Variants in NDUFAF7 observed in about 807,000 individuals in gnomAD.
The protein encoded by NDUFAF7 is NADH:ubiquinone oxidoreductase complex assembly factor 7.
A neutral mutation model predicts 47.2 loss-of-function variants in NDUFAF7; 48 were observed. That is an observed-to-expected ratio of 1.02 (90% confidence interval 0.81 to 1.29). The LOEUF is 1.29. Ranked by LOEUF, NDUFAF7 falls within the 50% of genes most tolerant of loss-of-function variation. NDUFAF7 has a pLI of 0.00. For synonymous variants in NDUFAF7, 217 were observed against 190.0 expected, an observed-to-expected ratio of 1.14 and a Z score of -1.17; for missense variants, 635 against 537.6, an observed-to-expected ratio of 1.18 and a Z score of -1.79.
At chr2:37,237,272 G>C (rs1665895597) in intron 3 of NDUFAF7, among the ~76,000 whole-genome samples, 1 of 152,194 alleles carries the variant, frequency 6.6e-6, no homozygotes, top group Non-Finnish European at 1.5e-5. Flanking sequence ...GCCCAGCCAA[G>C]TCTTCCTTTA....
chr2:37,232,277 G>C lies in NDUFAF7; in HGVS notation c.216+11G>C. 2 of 1,612,396 alleles carry C rather than the reference G, an allele frequency of 1.2e-6. No individual in the cohort carries two copies. The highest frequency in any genetic ancestry group is 4.5e-5 in the East Asian group (2 of 44,876). ...ACTAATCCAGCCAAGGTATGGGTCG[G>C]GTAGCCCGAGGACTAGGCCCTCTCT... is the stretch of plus-strand genomic sequence containing the variant. On this transcript the variant is annotated intron_variant, in intron 2 of 9. Coordinates refer to ENST00000002125, the MANE Select transcript of NDUFAF7 (RefSeq NM_144736.5).
chr2:37,233,790 A>C (rs1665458766), intron 2 of NDUFAF7, among the ~76,000 whole-genome samples: 1 of 152,156 alleles, frequency 6.6e-6, no homozygotes, highest in Non-Finnish European at 1.5e-5. Flanking sequence ...GTAACTCTAA[A>C]ATGTAGAGGC....
intron 4 of NDUFAF7, 36 bp from the exon 5 acceptor site, chr2:37,241,542 A>T (rs370759960): frequency 6.6e-7 from 1 of 1,514,804 alleles, no homozygotes; most frequent in African/African-American, 1.4e-5. Context: ...AACCTACTTA[A>T]CACATTGTAT....
chr2:37,264,521 A>AT, the NDUFAF7 span, among the ~76,000 whole-genome samples: 1 of 5,310 alleles, frequency 1.9e-4, no homozygotes, highest in East Asian at 1.0e-3. Flanking sequence ...AGGGGAGTGG[A>AT]GGGGTGGGAG....
chr2:37,253,256 T>C (rs746067667), downstream of NDUFAF7: 1 of 1,612,946 alleles, frequency 6.2e-7, no homozygotes. Context: ...TGTGTATGCA[T>C]GTATTTCCCA....
chr2:37,269,742 C>T, the NDUFAF7 span: 5 of 1,253,230 alleles, frequency 4.0e-6, no homozygotes. Context: ...ACAATGTCAA[C>T]ATCTCTGACT....
downstream of NDUFAF7, chr2:37,256,803 C>G: frequency 6.2e-7 from 1 of 1,613,944 alleles, no homozygotes; most frequent in Non-Finnish European, 8.5e-7. Flanking sequence ...GACCACATAT[C>G]TAGGGAACGG....
In NDUFAF7 at chr2:37,242,745, TG is replaced by T. The variant is rs757866554; in HGVS notation, c.681+53del. ...CTATAATTGAATACAAAAGGCATTG[TG>T]TTGCCAATGTTTATGGTATTTATTC... is the stretch of plus-strand genomic sequence containing the variant. On this transcript the variant is annotated intron_variant, in intron 6 of 9. Transcript: ENST00000002125. 31 of 1,329,210 alleles carry T rather than the reference TG, an allele frequency of 2.3e-5. No homozygotes were observed. The African/African-American group carries it at 3.3e-4, about 14-fold the overall frequency. The allele number at this position is 1,329,210 out of a possible 1,614,324, so 82.3% of individuals were successfully genotyped here.
chr2:37,236,216 C>T (rs1201823081), intron 3 of NDUFAF7, 40 bp downstream of exon 3: 3 of 1,440,912 alleles, frequency 2.1e-6, no homozygotes, highest in African/African-American at 1.4e-5. Context: ...CTAATATAAA[C>T]ATTTGAGAGC....
downstream of NDUFAF7, chr2:37,253,212 C>G (rs772601204): frequency 6.2e-7 from 1 of 1,610,754 alleles, no homozygotes; most frequent in Non-Finnish European, 8.5e-7. Context: ...GGATTAGGAG[C>G]CATAATGAAG....
At chr2:37,253,298 C>T (rs1205229960), downstream of NDUFAF7, 6 of 1,612,920 alleles carry the variant, frequency 3.7e-6, no homozygotes, top group African/African-American at 2.7e-5. Context: ...TGTAATGTAA[C>T]GTTCTCCAAT....
Position 37,236,241 on chromosome 2 carries a change from T to C in NDUFAF7, c.297+65T>C, listed in dbSNP as rs72875776. On this transcript the variant is annotated intron_variant, in intron 3 of 9. Coordinates refer to ENST00000002125, the MANE Select transcript of NDUFAF7 (RefSeq NM_144736.5). ...CATTTGAGAGCAGATCAAATTGTATTATTCTGTAGTAGTGTTCTACAGCTT... is the reference window on the plus strand; with the variant it reads ...CATTTGAGAGCAGATCAAATTGTATCATTCTGTAGTAGTGTTCTACAGCTT... 8.2e-3 allele frequency: 10,937 copies of C among 1,328,714 alleles called. 107 individuals carry two copies. The highest frequency in any genetic ancestry group is 0.043 in the African/African-American group (2,959 of 69,208). The allele number at this position is 1,328,714 out of a possible 1,614,324, so 82.3% of individuals were successfully genotyped here.
chr2:37,237,868 G>A lies in NDUFAF7; in HGVS notation c.408+1G>A. The stretch of plus-strand genomic sequence containing the variant: ...AACCCTCGTGGGAGATATTTTGAGG[G>A]TAGGTAATAAAAGAATGTCTTCTAG... On this transcript the variant is annotated splice_donor_variant, in intron 4 of 9. Transcript: ENST00000002125. LOFTEE classifies it high-confidence loss of function. 6.3e-7 allele frequency: 1 copy of A among 1,588,230 alleles called. No individual in the cohort carries two copies.
In NDUFAF7 at chr2:37,248,337, T is replaced by C. The variant is rs774550860; in HGVS notation, c.1313T>C (p.Leu438Pro). ...TCCGTTGTAGCTGGGTTTAGTGAAC[T>C]TGCTTGGCAGTGATATTTCAGCTTG... Reference protein sequence around the residue: ...FASVVAGFSELAWQ With the variant: ...FASVVAGFSEPAWQ Residue 438 changes from leucine (L) to proline (P), a missense_variant, in exon 10 of 10, where the codon CTT (leucine) becomes CCT (proline). Coordinates refer to ENST00000002125, the MANE Select transcript of NDUFAF7 (RefSeq NM_144736.5). The C allele has an allele frequency of 6.2e-7, 1 of 1,613,834 alleles. No individual in the cohort carries two copies. Among genetic ancestry groups the C allele is most frequent in the Non-Finnish European group, 8.5e-7 (1 of 1,179,710 alleles).
chr2:37,269,496 A>G, the NDUFAF7 span: 1 of 787,698 alleles, frequency 1.3e-6, no homozygotes, highest in Middle Eastern at 2.3e-4. Context: ...ATAACAAGTC[A>G]GCCTTTAAAA....
At position 37,232,255 on chromosome 2, in the gene NDUFAF7, A is replaced by T; in HGVS notation, c.205A>T (p.Asn69Tyr). 6.2e-7 allele frequency: 1 copy of T among 1,613,014 alleles called. No individual in the cohort carries two copies. Among genetic ancestry groups the T allele is most frequent in the Non-Finnish European group, 8.5e-7 (1 of 1,180,000 alleles). The change falls in exon 2 of 10, where the codon AAT becomes TAT. Residue 69 changes from asparagine (N) to tyrosine (Y), a missense_variant. Asn to Tyr is a moderately radical substitution (Grantham distance 143, BLOSUM62 -2). Coordinates refer to ENST00000002125, the MANE Select transcript of NDUFAF7 (RefSeq NM_144736.5). ...CGAGTACATGAAGGAGGTGTTGACT[A>T]ATCCAGCCAAGGTATGGGTCGGGTA... ...VAEYMKEVLT[N>Y]PAKGYYVYRD...
Position 37,233,453 on chromosome 2 carries a change from C to A in NDUFAF7, c.216+1187C>A, listed in dbSNP as rs376881603. Reference sequence around the variant, plus strand: ...GACCAGCCTGACCAACTTGGTGAAACCCCGTCTCTATTAAAAATACAAAAA... The same window carrying A: ...GACCAGCCTGACCAACTTGGTGAAAACCCGTCTCTATTAAAAATACAAAAA... On this transcript the variant is annotated intron_variant, in intron 2 of 9. Coordinates refer to ENST00000002125, the MANE Select transcript of NDUFAF7 (RefSeq NM_144736.5). Among the ~76,000 whole-genome samples the A allele has an allele frequency of 5.7e-4, 87 of 152,168 alleles. No individual in the cohort carries two copies. In the East Asian group the frequency reaches 0.011, roughly 20 times the overall value.
At chr2:37,269,363 T>C in the NDUFAF7 span, 2 of 468,012 alleles carry the variant, frequency 4.3e-6, no homozygotes, top group South Asian at 2.4e-5. Context: ...AACATCTGTA[T>C]GTGTGAGCTA....
intron 7 of NDUFAF7, among the ~76,000 whole-genome samples, chr2:37,245,496 A>G (rs1666809535): frequency 6.6e-6 from 1 of 152,164 alleles, no homozygotes; most frequent in Non-Finnish European, 1.5e-5. Context: ...GTTTCAATAC[A>G]TTGGCACTAG....
Sources: allele counts gnomAD v4.1 joint callset (sites outside exome capture counted in the v4.1 genomes callset), GRCh38; gene constraint gnomAD v4.1.1; transcripts MANE v1.5; gene names NCBI Gene and HGNC (gene_info 2026-07-23, HGNC 2026-07-21).